RPS6KA2: variants seen among roughly 807,000 people sequenced by gnomAD.
RPS6KA2 encodes ribosomal protein S6 kinase alpha-2.
In RPS6KA2, 42 loss-of-function variants were observed where a neutral mutation model predicts 91.8. The observed-to-expected ratio is 0.46, with a 90% CI of 0.36 to 0.59. The LOEUF (loss-of-function observed/expected upper bound fraction) is 0.59. Ranked by LOEUF, RPS6KA2 falls within the 20% of genes least tolerant of loss-of-function variation. RPS6KA2 has a pLI of 0.00. For synonymous variants in RPS6KA2, 414 were observed against 393.6 expected, an observed-to-expected ratio of 1.05 and a Z score of -0.61; for missense variants, 798 against 978.5, an observed-to-expected ratio of 0.82 and a Z score of 2.46.
At chr6:166,777,421 G>C (rs572360551) in intron 2 of RPS6KA2, among the ~76,000 whole-genome samples, 1 of 152,244 alleles carries the variant, frequency 6.6e-6, no homozygotes, top group African/African-American at 2.4e-5. Flanking sequence ...ACTGAGCCAC[G>C]GGGAAAGCAC....
chr6:166,671,897 G>A (rs138437987), intron 2 of RPS6KA2, among the ~76,000 whole-genome samples: 8 of 152,268 alleles, frequency 5.3e-5, no homozygotes, highest in South Asian at 2.1e-4. Context: ...AGAGCTCACC[G>A]AGGTTCAGAT....
intron 1 of RPS6KA2, among the ~76,000 whole-genome samples, chr6:166,618,619 T>C (rs561564603): frequency 3.3e-5 from 5 of 152,228 alleles, no homozygotes; most frequent in Admixed American, 1.3e-4. Context: ...GAGGTGGAGA[T>C]AGTAAAATGA....
At chr6:166,564,244 A>G (rs1784427233) in intron 1 of RPS6KA2, among the ~76,000 whole-genome samples, 1 of 152,182 alleles carries the variant, frequency 6.6e-6, no homozygotes, top group African/African-American at 2.4e-5. Context: ...TCATTCGATC[A>G]AGAGTGCCCA....
At chr6:166,812,865 C>T (rs4709131) in intron 2 of RPS6KA2, among the ~76,000 whole-genome samples, 23,144 of 152,098 alleles carry the variant, frequency 0.15, 1,877 homozygotes, top group East Asian at 0.27. Flanking sequence ...TAAACTACAG[C>T]AATCCCACTC....
At chr6:166,479,519 G>C (rs1259573579) in intron 10 of RPS6KA2, among the ~76,000 whole-genome samples, 1 of 152,204 alleles carries the variant, frequency 6.6e-6, no homozygotes, top group East Asian at 1.9e-4. Flanking sequence ...CTAACTGCCA[G>C]GTGAGGTGAG....
At position 166,727,236 on chromosome 6, in the gene RPS6KA2, T is replaced by C. The variant is rs1421477465; in HGVS notation, c.123+130964A>G. Among the ~76,000 whole-genome samples, 4 of 152,168 alleles carry C rather than the reference T, an allele frequency of 2.6e-5. No homozygotes were observed. The East Asian group carries it at 7.7e-4, about 29-fold the overall frequency. Reference sequence around the variant, plus strand: ...ACAGGCCATGGAATCATTCTGCTGATGTGTGAAAGAATTGAAAGTAATGCA... The same window carrying C: ...ACAGGCCATGGAATCATTCTGCTGACGTGTGAAAGAATTGAAAGTAATGCA... On this transcript the variant is annotated intron_variant, in intron 2 of 21. Coordinates refer to the RPS6KA2 transcript ENST00000503859.
At chr6:166,543,862 G>GT (rs1783738362) in intron 1 of RPS6KA2, among the ~76,000 whole-genome samples, 2 of 126,436 alleles carry the variant, frequency 1.6e-5, no homozygotes, top group South Asian at 3.1e-4. Flanking sequence ...ATGCACATAC[G>GT]TGAGTGTGTG....
At chr6:166,741,161 C>G (rs542068004) in intron 2 of RPS6KA2, among the ~76,000 whole-genome samples, 8 of 152,176 alleles carry the variant, frequency 5.3e-5, no homozygotes, top group Admixed American at 1.3e-4. Flanking sequence ...ATTGATGAGA[C>G]TTAAACACAC....
chr6:166,858,655 A>G (rs1780972815), intron 1 of RPS6KA2, among the ~76,000 whole-genome samples: 1 of 152,254 alleles, frequency 6.6e-6, no homozygotes, highest in South Asian at 2.1e-4. Context: ...CGGTGAAGGC[A>G]TGTGTGACCA....
chr6:166,508,398 G>A lies in RPS6KA2; in HGVS notation c.380-116C>T. On this transcript the variant is annotated intron_variant, in intron 4 of 20. Coordinates refer to ENST00000265678, the MANE Select transcript of RPS6KA2 (RefSeq NM_021135.6). This position sits in a 1 kb window ranked among gnomAD's most constrained non-coding sequence, Gnocchi z 4.3. ...TACTCCGGGAGGCTGAGTCACTTGAGAAACGGCAGGACCCCGGCTGGTGAC... is the reference window on the plus strand; with the variant it reads ...TACTCCGGGAGGCTGAGTCACTTGAAAAACGGCAGGACCCCGGCTGGTGAC... 1 of 682,014 alleles carries A rather than the reference G, an allele frequency of 1.5e-6. No individual in the cohort carries two copies. The highest frequency in any genetic ancestry group is 2.6e-6 in the Non-Finnish European group (1 of 384,744). The allele number at this position is 682,014 out of a possible 1,614,324, so 42.2% of individuals were successfully genotyped here.
At chr6:166,862,464 G>A (rs1228814662) in exon 1 of RPS6KA2, 8 of 1,099,872 alleles carry the variant, frequency 7.3e-6, no homozygotes, top group Non-Finnish European at 9.6e-6. Context: ...GCTCGGGCTG[G>A]GGCGAGGAAA....
At chr6:166,679,717 C>G (rs1326153051) in intron 2 of RPS6KA2, among the ~76,000 whole-genome samples, 2 of 152,200 alleles carry the variant, frequency 1.3e-5, no homozygotes, top group Admixed American at 1.3e-4. Flanking sequence ...TGGGGCTGGC[C>G]GAGGCCGGAG....
At chr6:166,584,428 A>G (rs892155681) in intron 1 of RPS6KA2, among the ~76,000 whole-genome samples, 1 of 152,250 alleles carries the variant, frequency 6.6e-6, no homozygotes, top group Admixed American at 6.5e-5. Context: ...AATTGAGTCC[A>G]TTAACATTCC....
At chr6:166,531,211 C>A in intron 3 of RPS6KA2, 21 bp downstream of exon 3, 1 of 1,563,656 alleles carries the variant, frequency 6.4e-7, no homozygotes, top group Non-Finnish European at 8.8e-7. Flanking sequence ...CTGAAGCAGC[C>A]GGCCCTTCCG....
intron 2 of RPS6KA2, among the ~76,000 whole-genome samples, chr6:166,727,657 TCAGCGCCCTAAAGCAC>T (rs1562403930): frequency 6.6e-6 from 1 of 152,032 alleles, no homozygotes; most frequent in African/African-American, 2.4e-5. Flanking sequence ...CCCTCAGGTA[TCAGCGCCCTAAAGCAC>T]CAGCACCCTA....
chr6:166,616,253 T>C (rs558638512), intron 1 of RPS6KA2, among the ~76,000 whole-genome samples: 10 of 152,306 alleles, frequency 6.6e-5, no homozygotes, highest in African/African-American at 2.4e-4. Context: ...AAGTTCCCAT[T>C]GGTGACCTTG....
chr6:166,742,571 C>T (rs1790846080), intron 2 of RPS6KA2, among the ~76,000 whole-genome samples: 1 of 152,162 alleles, frequency 6.6e-6, no homozygotes, highest in African/African-American at 2.4e-5. Flanking sequence ...CTGCGGTGGC[C>T]ACGGGAGGGG....
chr6:166,668,246 C>T (rs952951875), intron 2 of RPS6KA2, among the ~76,000 whole-genome samples: 16 of 152,282 alleles, frequency 1.1e-4, no homozygotes, highest in South Asian at 4.1e-4. Context: ...AAGCATGAGG[C>T]GTGAAGTCCC....
At chr6:166,467,660 G>A (rs1034173259) in intron 11 of RPS6KA2, among the ~76,000 whole-genome samples, 4 of 152,208 alleles carry the variant, frequency 2.6e-5, no homozygotes, top group African/African-American at 4.8e-5. Context: ...AGGAGGCTCC[G>A]TGAGGATGGG....
Sources: gnomAD v4.1 joint callset for allele counts (sites outside exome capture counted in the v4.1 genomes callset) on GRCh38, gnomAD v4.1.1 for gene constraint, Gnocchi (gnomAD v3.1) non-coding constraint, MANE v1.5 for transcripts, NCBI Gene and HGNC (gene_info 2026-07-23, HGNC 2026-07-21) for gene names.